APOLD1: variants seen among roughly 807,000 people sequenced by gnomAD.
APOLD1 encodes apolipoprotein L domain containing 1, also known as apolipoprotein L domain-containing protein 1.
Under a neutral mutation model 15.3 loss-of-function variants are expected in APOLD1, and 22 were observed. The ratio of observed to expected loss-of-function variants is 1.44; its 90% CI spans 1.03 to 2.05. APOLD1 has a LOEUF of 2.05. Among genes scored for constraint, APOLD1 ranks in the 30% most tolerant of loss-of-function variants. The pLI is 0.00. For synonymous variants in APOLD1, 190 were observed against 167.4 expected (o/e 1.13, Z -1.04); for missense variants, 394 against 353.5 (o/e 1.11, Z -0.92).
At chr12:12,785,314 T>C (rs1231010832), upstream of APOLD1, among the ~76,000 whole-genome samples, 4 of 152,160 alleles carry the variant, frequency 2.6e-5, no homozygotes, top group Non-Finnish European at 4.4e-5. Context: ...AACACTATAA[T>C]TGGTCAGCCT....
intron 1 of APOLD1, chr12:12,771,638 G>T (rs761170667): frequency 8.0e-6 from 4 of 500,402 alleles, no homozygotes; most frequent in Non-Finnish European, 1.6e-5. Flanking sequence ...GCTTGCTATT[G>T]TCAGAGTTCA....
chr12:12,770,377 C>T (rs1473321304), intron 1 of APOLD1, among the ~76,000 whole-genome samples: 2 of 152,120 alleles, frequency 1.3e-5, no homozygotes, highest in Non-Finnish European at 2.9e-5. Flanking sequence ...TGCACTACAG[C>T]CTGGGTGACA....
chr12:12,729,941 C>T (rs1187108804), intron 1 of APOLD1, among the ~76,000 whole-genome samples: 3 of 151,886 alleles, frequency 2.0e-5, no homozygotes, highest in Admixed American at 6.6e-5. Context: ...ATTGCAGCCT[C>T]GACCTCCTGG....
intron 1 of APOLD1, among the ~76,000 whole-genome samples, chr12:12,774,923 A>G (rs1275555339): frequency 6.6e-6 from 1 of 152,258 alleles, no homozygotes; most frequent in African/African-American, 2.4e-5. Context: ...TACTCTCGTC[A>G]TAAGATCCAG....
In APOLD1 at chr12:12,787,181, G is replaced by C; in HGVS notation, c.276G>C (p.Leu92=). The part of the protein sequence containing the change: ...GTSLLVSAVG[L]GVATAGGAVT... ...CGCTGCTGGTGTCGGCCGTGGGGCT[G>C]GGGGTGGCCACAGCCGGAGGGGCCG... Residue 92 remains leucine (L), a synonymous_variant, in exon 2 of 2, where the codon CTG becomes CTC. Transcript: ENST00000356591. This position sits in a 1 kb window ranked among gnomAD's most constrained non-coding sequence, Gnocchi z 4.9. The C allele has an allele frequency of 1.3e-6, 2 of 1,540,224 alleles. No homozygotes were observed. The highest frequency in any genetic ancestry group is 1.7e-6 in the Non-Finnish European group (2 of 1,152,712).
intron 1 of APOLD1, among the ~76,000 whole-genome samples, chr12:12,746,496 C>CAAATAAATAAATAAATAAATAAATAAAT (rs757082166): frequency 7.9e-5 from 11 of 139,940 alleles, no homozygotes; most frequent in African/African-American, 3.3e-4. Flanking sequence ...AACTCCATCT[C>CAAATAAATAAATAAATAAATAAATAAAT]AAATAAATAA....
intron 1 of APOLD1, among the ~76,000 whole-genome samples, chr12:12,745,946 T>C (rs1179587537): frequency 2.6e-5 from 4 of 152,136 alleles, no homozygotes; most frequent in Non-Finnish European, 5.9e-5. Flanking sequence ...AGGGCATTTA[T>C]CTGCCAGCTC....
intron 1 of APOLD1, among the ~76,000 whole-genome samples, chr12:12,766,929 T>C (rs574458361): frequency 3.9e-5 from 6 of 152,278 alleles, no homozygotes; most frequent in Non-Finnish European, 8.8e-5. Context: ...AGCTGGCATA[T>C]ACTATCAGAA....
At chr12:12,782,571 G>GC (rs1217179213), upstream of APOLD1, among the ~76,000 whole-genome samples, 1 of 152,158 alleles carries the variant, frequency 6.6e-6, no homozygotes, top group East Asian at 1.9e-4. Context: ...AAAAAATAAG[G>GC]CAGGAGGATT....
chr12:12,785,746 T>C (rs747530775), intron 1 of APOLD1, 52 bp downstream of exon 1: 10 of 1,559,440 alleles, frequency 6.4e-6, no homozygotes, highest in Non-Finnish European at 8.8e-6. Flanking sequence ...TCTCATTTTC[T>C]CTTTTCACCT....
At chr12:12,768,036 C>T (rs1453705617) in intron 1 of APOLD1, among the ~76,000 whole-genome samples, 2 of 152,058 alleles carry the variant, frequency 1.3e-5, no homozygotes, top group African/African-American at 2.4e-5. Context: ...CTGCCTGCCT[C>T]GGCATCCCAA....
chr12:12,767,795 C>G (rs1429746841), intron 1 of APOLD1, among the ~76,000 whole-genome samples: 1 of 147,706 alleles, frequency 6.8e-6, no homozygotes, highest in Non-Finnish European at 1.5e-5. Context: ...AATCCTATGC[C>G]TTTTTTTTTT....
intron 1 of APOLD1, among the ~76,000 whole-genome samples, chr12:12,740,923 A>G (rs967426920): frequency 1.3e-5 from 2 of 152,134 alleles, no homozygotes; most frequent in Non-Finnish European, 2.9e-5. Flanking sequence ...GCTATTCAGT[A>G]TTACCTGGAA....
chr12:12,746,168 G>T (rs766351241), intron 1 of APOLD1, among the ~76,000 whole-genome samples: 1 of 152,102 alleles, frequency 6.6e-6, no homozygotes, highest in South Asian at 2.1e-4. Flanking sequence ...GGCTTAAAAC[G>T]TATGTCTCTG....
chr12:12,771,636 T>C (rs969493406), intron 1 of APOLD1: 5 of 499,382 alleles, frequency 1.0e-5, no homozygotes, highest in Non-Finnish European at 1.6e-5. Context: ...CTGCTTGCTA[T>C]TGTCAGAGTT....
chr12:12,781,058 C>T (rs1034822923), upstream of APOLD1, among the ~76,000 whole-genome samples: 29 of 152,138 alleles, frequency 1.9e-4, no homozygotes, highest in African/African-American at 6.7e-4. Flanking sequence ...TTGTGAATAG[C>T]AAAATACTGA....
intron 1 of APOLD1, among the ~76,000 whole-genome samples, chr12:12,757,784 C>T (rs1234889031): frequency 1.3e-5 from 2 of 152,064 alleles, no homozygotes; most frequent in East Asian, 3.9e-4. Flanking sequence ...CAACACCCTC[C>T]TGAGTTTTAT....
At chr12:12,786,825 G>A in intron 1 of APOLD1, 84 bp from the exon 2 acceptor site, 1 of 1,321,484 alleles carries the variant, frequency 7.6e-7, no homozygotes, top group Non-Finnish European at 9.6e-7. Flanking sequence ...CTCGTGCCAA[G>A]TTCCCGCTGG....
In APOLD1 at chr12:12,787,144, C is replaced by T. The variant is rs1316807615; in HGVS notation, c.239C>T (p.Thr80Ile). 4.6e-6 allele frequency: 7 copies of T among 1,508,416 alleles called. No individual in the cohort carries two copies. Among genetic ancestry groups the T allele is most frequent in the East Asian group, 4.7e-5 (2 of 42,886 alleles). The allele number at this position is 1,508,416 out of a possible 1,614,324, so 93.4% of individuals were successfully genotyped here. Residue 80 changes from threonine (T) to isoleucine (I), a missense_variant, in exon 2 of 2, where the codon ACC becomes ATC. Transcript: ENST00000356591. The surrounding 1 kb of genome is among the most constrained non-coding windows in gnomAD (Gnocchi z 4.9). ...AIVGLSLSPV[T>I]LGTSLLVSAV... ...GTGGGGCTCTCGCTCAGCCCGGTCA[C>T]CCTGGGGACCTCGCTGCTGGTGTCG...
Sources: gnomAD v4.1 joint callset for allele counts (sites outside exome capture counted in the v4.1 genomes callset) on GRCh38, gnomAD v4.1.1 for gene constraint, Gnocchi (gnomAD v3.1) non-coding constraint, MANE v1.5 for transcripts, NCBI Gene and HGNC (gene_info 2026-07-23, HGNC 2026-07-21) for gene names.